THAP8: variants seen among roughly 807,000 people sequenced by gnomAD.
THAP8 encodes THAP domain-containing protein 8.
Under a neutral mutation model 25.0 loss-of-function variants are expected in THAP8, and 24 were observed. The ratio of observed to expected loss-of-function variants is 0.96; its 90% confidence interval spans 0.69 to 1.35. The LOEUF is 1.35. Among genes scored for constraint, THAP8 ranks in the 40% most tolerant of loss-of-function variants. The probability of loss-of-function intolerance (pLI) is 0.00; values close to 1 mark genes in which losing one functional copy is unlikely to be tolerated. For synonymous variants in THAP8, 169 were observed against 157.6 expected, an observed-to-expected ratio of 1.07 and a Z score of -0.54; for missense variants, 399 against 368.8, an observed-to-expected ratio of 1.08 and a Z score of -0.67.
At chr19:36,044,657 T>C (rs1969813956) in intron 1 of THAP8, among the ~76,000 whole-genome samples, 1 of 152,160 alleles carries the variant, frequency 6.6e-6, no homozygotes, top group East Asian at 1.9e-4. Context: ...ACCTGGCTAA[T>C]TTAAAATTTC....
chr19:36,039,211 A>G (rs752814838), intron 3 of THAP8, 112 bp downstream of exon 3: 37 of 1,359,152 alleles, frequency 2.7e-5, no homozygotes, highest in Admixed American at 7.0e-5. Flanking sequence ...GAAATTTGGA[A>G]ACACGGCTGA....
chr19:36,044,088 T>G (rs1445632359), intron 1 of THAP8, among the ~76,000 whole-genome samples: 1 of 152,078 alleles, frequency 6.6e-6, no homozygotes, highest in Non-Finnish European at 1.5e-5. Flanking sequence ...CTACCCATAA[T>G]AAAGACCTCC....
At chr19:36,046,656 A>G (rs1359542697) in intron 1 of THAP8, among the ~76,000 whole-genome samples, 3 of 152,164 alleles carry the variant, frequency 2.0e-5, no homozygotes, top group Non-Finnish European at 2.9e-5. Context: ...CAGCAGCCCC[A>G]TTCTTCCGGG....
intron 1 of THAP8, among the ~76,000 whole-genome samples, chr19:36,051,119 CGTGT>C (rs1212847953): frequency 6.6e-6 from 1 of 152,096 alleles, no homozygotes; most frequent in African/African-American, 2.4e-5. Flanking sequence ...CAGAGAGAAT[CGTGT>C]GTGTGTTTGG....
intron 1 of THAP8, 86 bp downstream of exon 1, chr19:36,054,049 G>T: frequency 6.8e-7 from 1 of 1,463,968 alleles, no homozygotes; most frequent in Non-Finnish European, 9.4e-7. Context: ...AGCAAGACCA[G>T]AAGCCCCGCA....
At chr19:36,036,297 A>T (rs1969444227) in intron 3 of THAP8, among the ~76,000 whole-genome samples, 2 of 104,694 alleles carry the variant, frequency 1.9e-5, no homozygotes, top group African/African-American at 4.2e-5. Flanking sequence ...TTTTTTTGAG[A>T]CAGAGTCTCA....
chr19:36,039,718 T>G lies in THAP8; in HGVS notation c.277A>C (p.Ser93Arg). The G allele has an allele frequency of 4.0e-6, 6 of 1,513,708 alleles. No individual in the cohort carries two copies. Among genetic ancestry groups the G allele is most frequent in the Non-Finnish European group, 5.3e-6 (6 of 1,130,268 alleles). 93.8% of individuals were successfully genotyped at this position (1,513,708 alleles called of 1,614,324 possible). A position where few individuals can be genotyped will look rare whatever the true frequency, so the allele number is the denominator to read the frequency against. ...SIFSRGPPAK[S>R]QRRTRSTQKP... ...TGGGTGCTTCGGGTCCTCCGCTGAC[T>G]CTGGAAGACAAGGCATGGGGTGCAG... The change falls in exon 3 of 4, where the codon AGT becomes CGT. Residue 93 changes from serine to arginine, a missense_variant and splice_region_variant. Ser to Arg is a moderately radical substitution (Grantham distance 110). Coordinates refer to ENST00000292894, the MANE Select transcript of THAP8 (RefSeq NM_152658.3).
At chr19:36,050,056 A>AAC in intron 1 of THAP8, among the ~76,000 whole-genome samples, 1 of 150,424 alleles carries the variant, frequency 6.6e-6, no homozygotes, top group Middle Eastern at 3.4e-3. Flanking sequence ...CCTGTCTCAA[A>AAC]AAAAAAAAAA....
At chr19:36,052,642 C>G (rs921997797) in intron 1 of THAP8, among the ~76,000 whole-genome samples, 2 of 152,172 alleles carry the variant, frequency 1.3e-5, no homozygotes, top group African/African-American at 4.8e-5. Context: ...GAAGTGGGCC[C>G]AGGGTTTGTC....
At chr19:36,050,115 GAGA>G (rs1233645303) in intron 1 of THAP8, among the ~76,000 whole-genome samples, 3 of 150,936 alleles carry the variant, frequency 2.0e-5, no homozygotes, top group Non-Finnish European at 4.4e-5. Flanking sequence ...TGGATGTGAT[GAGA>G]AGTAGTCTGG....
chr19:36,035,544 T>C lies in THAP8; in HGVS notation c.721A>G (p.Ile241Val). 3 of 1,613,988 alleles carry C rather than the reference T, an allele frequency of 1.9e-6. No individual in the cohort carries two copies. ...ATGGCTATGTCAGGCCCTCCACAGATGATGGTGAAGGTTTGGGATTCCTCA... is the reference window on the plus strand; with the variant it reads ...ATGGCTATGTCAGGCCCTCCACAGACGATGGTGAAGGTTTGGGATTCCTCA... ...GPEESQTFTI[I>V]CGGPDIAMVL... is the part of the protein sequence containing the mutation. The change falls in exon 4 of 4, where the codon ATC becomes GTC. Residue 241 changes from isoleucine (I) to valine (V), a missense_variant. Coordinates refer to ENST00000292894, the MANE Select transcript of THAP8 (RefSeq NM_152658.3).
intron 1 of THAP8, among the ~76,000 whole-genome samples, chr19:36,053,104 G>C (rs1013258011): frequency 1.3e-5 from 2 of 151,624 alleles, no homozygotes; most frequent in African/African-American, 4.8e-5. Flanking sequence ...TCTCACTCTT[G>C]TTGCCCACGC....
intron 3 of THAP8, 104 bp downstream of exon 3, chr19:36,039,219 T>C: frequency 7.3e-7 from 1 of 1,369,806 alleles, no homozygotes. Context: ...GAAACACGGC[T>C]GAATGTTCTG....
chr19:36,053,695 T>G lies in THAP8; in HGVS notation c.83+440A>C, dbSNP rs186622292. 2.6e-5 allele frequency among the ~76,000 whole-genome samples: 4 copies of G among 151,490 alleles called. No homozygotes were observed. The East Asian group carries it at 7.8e-4, about 29-fold the overall frequency. ...ACTTTCCCAAGTATGACGAAAGAGG[T>G]AAGGATGACATTTTTTAAACCTAAG... On this transcript the variant is annotated intron_variant, in intron 1 of 3. Transcript: ENST00000292894.
chr19:36,054,210 TTGG>T lies in THAP8; in HGVS notation c.5_7del (p.Pro2_Lys3delinsGln). On this transcript the variant is annotated inframe_deletion, in exon 1 of 4. Transcript: ENST00000292894. ...GGAGCAGTTCGGCGCCCTGCAGTAC[TTGG>T]GCATGGCTATCCAGCCCCCGCTGAG... 6.2e-7 allele frequency: 1 copy of T among 1,613,664 alleles called. No homozygotes were observed. Among genetic ancestry groups the T allele is most frequent in the South Asian group, 1.1e-5 (1 of 90,970 alleles).
intron 1 of THAP8, among the ~76,000 whole-genome samples, chr19:36,046,729 G>C (rs966425240): frequency 6.6e-6 from 1 of 152,176 alleles, no homozygotes; most frequent in Non-Finnish European, 1.5e-5. Flanking sequence ...CTCCCAGGCA[G>C]AATCTGCCAA....
chr19:36,053,495 C>T (rs1405130172), intron 1 of THAP8, among the ~76,000 whole-genome samples: 2 of 140,412 alleles, frequency 1.4e-5, no homozygotes, highest in African/African-American at 5.4e-5. Context: ...GTCGAGGTTG[C>T]AGTGAGCTGT....
At chr19:36,037,151 CTG>C (rs1368989533) in intron 3 of THAP8, among the ~76,000 whole-genome samples, 8 of 151,664 alleles carry the variant, frequency 5.3e-5, no homozygotes, top group Non-Finnish European at 4.4e-5. Flanking sequence ...CTTGGTCAAA[CTG>C]TGATTTTCAG....
chr19:36,039,915 T>G (rs767107232), intron 2 of THAP8, 29 bp downstream of exon 2: 1 of 1,610,876 alleles, frequency 6.2e-7, no homozygotes, highest in Admixed American at 1.7e-5. Flanking sequence ...GGGGGTTGGA[T>G]TCCAGCAGCA....
Sources: allele counts gnomAD v4.1 joint callset (sites outside exome capture counted in the v4.1 genomes callset), GRCh38; gene constraint gnomAD v4.1.1; transcripts MANE v1.5; gene names NCBI Gene and HGNC (gene_info 2026-07-23, HGNC 2026-07-21).